The following ARHGAP32 variants were observed in gnomAD, a reference collection of about 807,000 sequenced individuals.
ARHGAP32 encodes Rho GTPase activating protein 32, also known as rho GTPase-activating protein 32.
In ARHGAP32, 51 loss-of-function variants were observed where a neutral mutation model predicts 186.5. The ratio of observed to expected loss-of-function variants is 0.27; its 90% CI spans 0.22 to 0.35. The LOEUF is 0.35. Ranked by LOEUF, ARHGAP32 falls within the 10% of genes least tolerant of loss-of-function variation. The pLI, the probability that ARHGAP32 is intolerant of heterozygous loss-of-function variation, is 1.00. For synonymous variants in ARHGAP32, 950 were observed against 964.3 expected, an observed-to-expected ratio of 0.99 and a Z score of 0.27; for missense variants, 2,186 against 2,623.5, an observed-to-expected ratio of 0.83 and a Z score of 3.64.
At chr11:129,172,991 A>G (rs1216668542) in intron 1 of ARHGAP32, among the ~76,000 whole-genome samples, 1 of 55,768 alleles carries the variant, frequency 1.8e-5, no homozygotes, top group Non-Finnish European at 4.2e-5. Context: ...CTCCAAAAAG[A>G]AAAAAAAAAA....
At chr11:129,006,357 CCTT>C (rs1937773108) in intron 11 of ARHGAP32, among the ~76,000 whole-genome samples, 1 of 152,230 alleles carries the variant, frequency 6.6e-6, no homozygotes, top group South Asian at 2.1e-4. Context: ...TTGTACCTGT[CCTT>C]CTTAGGAAAG....
intron 17 of ARHGAP32, 109 bp downstream of exon 17, chr11:128,981,307 C>T: frequency 8.1e-7 from 1 of 1,228,374 alleles, no homozygotes; most frequent in South Asian, 1.5e-5. Context: ...TTATTAGCTG[C>T]CTTATACCAG....
chr11:129,174,176 T>C (rs1202997344), intron 1 of ARHGAP32, among the ~76,000 whole-genome samples: 1 of 151,892 alleles, frequency 6.6e-6, no homozygotes, highest in South Asian at 2.1e-4. Context: ...AAGAAAGGGG[T>C]GACAGACGGC....
intron 1 of ARHGAP32, among the ~76,000 whole-genome samples, chr11:129,210,115 T>A (rs1358984410): frequency 6.6e-6 from 1 of 152,082 alleles, no homozygotes; most frequent in African/African-American, 2.4e-5. Flanking sequence ...TCTATGACAA[T>A]AAAGAAGAAT....
At chr11:129,224,429 CCTT>C (rs1334560524) in intron 1 of ARHGAP32, among the ~76,000 whole-genome samples, 8 of 152,166 alleles carry the variant, frequency 5.3e-5, no homozygotes, top group African/African-American at 9.6e-5. Flanking sequence ...AAAATTCTCT[CCTT>C]AACTTTTTCA....
chr11:129,220,401 G>A (rs537936446), intron 1 of ARHGAP32, among the ~76,000 whole-genome samples: 31 of 152,216 alleles, frequency 2.0e-4, no homozygotes, highest in African/African-American at 7.2e-4. Flanking sequence ...AAGCAAGGGG[G>A]AATGGAAAAA....
chr11:129,279,200 T>G (rs1327574480), exon 1 of ARHGAP32: 2 of 141,080 alleles, frequency 1.4e-5, no homozygotes, highest in Non-Finnish European at 3.1e-5. Context: ...CGCTGGCCGC[T>G]CCGTGTCTGC....
At position 129,041,018 on chromosome 11, in the gene ARHGAP32, A is replaced by G; in HGVS notation, c.964-9T>C. On this transcript the variant is annotated splice_polypyrimidine_tract_variant and intron_variant, in intron 10 of 22. Transcript: ENST00000682385. ...CCAGGGAAGAGTCCCACCTGATGAA[A>G]AGCAACAAAGAAAGGATTCTAAACC... 6.3e-7 allele frequency: 1 copy of G among 1,579,062 alleles called. No individual in the cohort carries two copies. The highest frequency in any genetic ancestry group is 1.2e-5 in the South Asian group (1 of 85,996).
At chr11:129,027,322 C>G (rs1347807514) in intron 11 of ARHGAP32, among the ~76,000 whole-genome samples, 1 of 152,170 alleles carries the variant, frequency 6.6e-6, no homozygotes, top group African/African-American at 2.4e-5. Flanking sequence ...CTTAACACAG[C>G]AAGCAAAGTG....
chr11:129,055,136 G>A (rs991819818), intron 10 of ARHGAP32, among the ~76,000 whole-genome samples: 4 of 152,194 alleles, frequency 2.6e-5, no homozygotes, highest in African/African-American at 9.7e-5. Flanking sequence ...AAGAGTCAGT[G>A]GCAAAGGGAG....
chr11:129,010,424 G>A (rs540694943), intron 11 of ARHGAP32, among the ~76,000 whole-genome samples: 4 of 151,946 alleles, frequency 2.6e-5, no homozygotes, highest in Admixed American at 6.6e-5. Flanking sequence ...ATATAGTTTC[G>A]GGTTTTACAT....
At chr11:129,204,204 C>T in intron 1 of ARHGAP32, among the ~76,000 whole-genome samples, 1 of 151,700 alleles carries the variant, frequency 6.6e-6, no homozygotes, top group East Asian at 1.9e-4. Context: ...AAATTGTATA[C>T]ATATAAAAAC....
At chr11:129,232,447 G>A (rs1408361345) in intron 1 of ARHGAP32, among the ~76,000 whole-genome samples, 1 of 152,078 alleles carries the variant, frequency 6.6e-6, no homozygotes, top group African/African-American at 2.4e-5. Context: ...AAAATGAAGT[G>A]AGCCAGTCAT....
chr11:129,063,599 T>C (rs373311589), intron 9 of ARHGAP32, among the ~76,000 whole-genome samples: 1 of 152,176 alleles, frequency 6.6e-6, no homozygotes, highest in Non-Finnish European at 1.5e-5. Context: ...CAATAAGCCA[T>C]GAGCACAGTT....
chr11:129,165,615 G>A (rs1020901570), intron 1 of ARHGAP32, among the ~76,000 whole-genome samples: 1 of 148,156 alleles, frequency 6.7e-6, no homozygotes, highest in Admixed American at 6.8e-5. Context: ...TGAAAATTGA[G>A]AAAAAAAATA....
chr11:129,128,831 T>G (rs1198269745), intron 2 of ARHGAP32, among the ~76,000 whole-genome samples: 1 of 152,190 alleles, frequency 6.6e-6, no homozygotes, highest in African/African-American at 2.4e-5. Flanking sequence ...GTGATCTGCC[T>G]GCCTCGGCCT....
At chr11:129,170,559 T>C (rs1943738588) in intron 1 of ARHGAP32, among the ~76,000 whole-genome samples, 1 of 152,230 alleles carries the variant, frequency 6.6e-6, no homozygotes, top group Non-Finnish European at 1.5e-5. Flanking sequence ...ATGTACCACA[T>C]TTTCTTTATC....
chr11:129,110,824 T>C (rs1229130115), intron 5 of ARHGAP32, among the ~76,000 whole-genome samples: 2 of 152,216 alleles, frequency 1.3e-5, no homozygotes, highest in African/African-American at 2.4e-5. Flanking sequence ...ATCAAAAAGT[T>C]TTCTGTGAAG....
rs1258553275 is a variant in ARHGAP32, at chr11:128,970,233, G to T, written c.4980C>A (p.Val1660=). Residue 1660 remains valine, a synonymous_variant, in exon 23 of 23, where the codon GTC becomes GTA. Transcript: ENST00000682385. The surrounding 1 kb of genome is among the most constrained non-coding windows in gnomAD (Gnocchi z 5.8). ...QLQPYFENGR[V]HYRYSPYSSS... The stretch of plus-strand genomic sequence containing the variant: ...TGGAATATGGGCTATACCTGTAGTG[G>T]ACCCGGCCATTCTCAAAGTAAGGCT... The T allele has an allele frequency of 1.9e-6, 3 of 1,614,166 alleles. No individual in the cohort carries two copies. Among genetic ancestry groups the T allele is most frequent in the Non-Finnish European group, 2.5e-6 (3 of 1,180,040 alleles).
Sources: allele counts gnomAD v4.1 joint callset (sites outside exome capture counted in the v4.1 genomes callset), GRCh38; gene constraint gnomAD v4.1.1; non-coding constraint Gnocchi (gnomAD v3.1); transcripts MANE v1.5; gene names NCBI Gene and HGNC (gene_info 2026-07-23, HGNC 2026-07-21).